VPS13A: variants seen among roughly 807,000 people sequenced by gnomAD.
VPS13A encodes the protein vacuolar protein sorting 13 homolog A.
Under a neutral mutation model 390.9 loss-of-function variants are expected in VPS13A, and 264 were observed. The ratio of observed to expected loss-of-function variants is 0.68; its 90% CI spans 0.61 to 0.75. The LOEUF is 0.75. VPS13A is among the 30% of genes least tolerant of loss of function. VPS13A has a pLI of 0.00. For missense variants in VPS13A, 3,409 were observed against 3,733.9 expected, an observed-to-expected ratio of 0.91 and a Z score of 2.27; for synonymous variants, 1,231 against 1,227.1, an observed-to-expected ratio of 1.00 and a Z score of -0.07.
chr9:77,340,043 T>C (rs952103570), intron 48 of VPS13A, 132 bp downstream of exon 48: 1 of 1,343,716 alleles, frequency 7.4e-7, no homozygotes, highest in Non-Finnish European at 1.0e-6. Flanking sequence ...CCAAAAAGAT[T>C]AGAATTTAAT....
At chr9:77,401,593 T>C (rs1197146428) in intron 68 of VPS13A, among the ~76,000 whole-genome samples, 3 of 152,186 alleles carry the variant, frequency 2.0e-5, no homozygotes, top group African/African-American at 7.2e-5. Context: ...CATTTCCAAA[T>C]TGATTACTGG....
At chr9:77,347,750 T>C (rs894850892) in intron 52 of VPS13A, among the ~76,000 whole-genome samples, 3 of 152,164 alleles carry the variant, frequency 2.0e-5, no homozygotes, top group African/African-American at 7.2e-5. Context: ...TAATCATATC[T>C]CTCTAGTTTA....
chr9:77,237,953 C>A lies in VPS13A; in HGVS notation c.1596-49C>A, dbSNP rs1824249797. 2.8e-6 allele frequency: 4 copies of A among 1,404,246 alleles called. No homozygotes were observed. The South Asian group carries it at 3.7e-5, about 13-fold the overall frequency. The allele number at this position is 1,404,246 out of a possible 1,614,324, so 87.0% of individuals were successfully genotyped here. A position where few individuals can be genotyped will look rare whatever the true frequency, so the allele number is the denominator to read the frequency against. The stretch of plus-strand genomic sequence containing the variant: ...TAAATCATTTTCAATTTTTAAAATC[C>A]TTCACAATTTTACTGATCGCTGACT... On this transcript the variant is annotated intron_variant, in intron 17 of 71. Coordinates refer to ENST00000360280, the MANE Select transcript of VPS13A (RefSeq NM_033305.3).
At chr9:77,339,449 A>G in intron 47 of VPS13A, 67 bp from the exon 48 acceptor site, 1 of 1,434,314 alleles carries the variant, frequency 7.0e-7, no homozygotes. Context: ...ATACATAAAT[A>G]GAATTTTGAG....
chr9:77,297,149 T>G (rs1828048489), intron 33 of VPS13A, among the ~76,000 whole-genome samples: 2 of 152,116 alleles, frequency 1.3e-5, no homozygotes, highest in African/African-American at 4.8e-5. Flanking sequence ...TCTGCTTACT[T>G]TAGGTTCAAT....
At chr9:77,343,129 A>G (rs569445344) in intron 50 of VPS13A, among the ~76,000 whole-genome samples, 3 of 152,274 alleles carry the variant, frequency 2.0e-5, no homozygotes, top group Non-Finnish European at 4.4e-5. Context: ...GGAGCTCTCA[A>G]GGAAGGCCTC....
chr9:77,278,834 A>C (rs532793058), intron 26 of VPS13A, among the ~76,000 whole-genome samples: 1 of 152,212 alleles, frequency 6.6e-6, no homozygotes, highest in Non-Finnish European at 1.5e-5. Flanking sequence ...TTCTTAGTAT[A>C]GCACATTTTG....
intron 13 of VPS13A, among the ~76,000 whole-genome samples, chr9:77,221,992 G>T (rs1168082824): frequency 1.3e-5 from 2 of 151,970 alleles, no homozygotes; most frequent in Non-Finnish European, 2.9e-5. Flanking sequence ...TATTATTTTT[G>T]TATTAATCTT....
At position 77,337,841 on chromosome 9, in the gene VPS13A, C is replaced by G. The variant is rs1830616188; in HGVS notation, c.6378+304C>G. 2.5e-5 allele frequency: 6 copies of G among 239,098 alleles called. No homozygotes were observed. In the South Asian group the frequency reaches 6.1e-4, roughly 24 times the overall value. The allele number at this position is 239,098 out of a possible 1,614,324, so 14.8% of individuals were successfully genotyped here. Reference sequence around the variant, plus strand: ...TCTTTCATACTCTGTGTGGTTTCTTCCTGTTGTTATAGGAATCCATACATC... The same window carrying G: ...TCTTTCATACTCTGTGTGGTTTCTTGCTGTTGTTATAGGAATCCATACATC... On this transcript the variant is annotated intron_variant, in intron 47 of 71. Transcript: ENST00000360280.
At chr9:77,282,426 A>G in intron 29 of VPS13A, 152 bp downstream of exon 29, 1 of 717,564 alleles carries the variant, frequency 1.4e-6, no homozygotes, top group Non-Finnish European at 2.2e-6. Context: ...ATATGCCAGG[A>G]TAATTTTAGA....
At chr9:77,203,609 A>G (rs533221517) in intron 3 of VPS13A, among the ~76,000 whole-genome samples, 3 of 152,298 alleles carry the variant, frequency 2.0e-5, no homozygotes, top group South Asian at 4.1e-4. Context: ...TTTTAAAAAA[A>G]CATTTGTGGT....
chr9:77,305,248 A>T lies in VPS13A; in HGVS notation c.3960+2186A>T, dbSNP rs553138432. Among the ~76,000 whole-genome samples the T allele has an allele frequency of 4.6e-5, 7 of 152,214 alleles. No homozygotes were observed. The South Asian group carries it at 1.2e-3, about 27-fold the overall frequency. ...CCATCACGCCTGGCCGAGATTTCAG[A>T]CTTTTAAGTCAAACGTATATTCAGA... On this transcript the variant is annotated intron_variant, in intron 34 of 71. Coordinates refer to ENST00000360280, the MANE Select transcript of VPS13A (RefSeq NM_033305.3).
chr9:77,316,238 T>C lies in VPS13A; in HGVS notation c.4695T>C (p.Phe1565=). The C allele has an allele frequency of 6.2e-7, 1 of 1,613,290 alleles. No individual in the cohort carries two copies. ...TTATTAAAAATCCTGAAATTGTGTT[T>C]GTAGCTGACATGACAAAAAATGATG... ...NVIIKNPEIV[F]VADMTKNDAP... is the part of the protein sequence containing the mutation. Residue 1565 remains phenylalanine (F), a synonymous_variant, in exon 39 of 72, where the codon TTT becomes TTC. Transcript: ENST00000360280.
chr9:77,420,327 C>G lies in VPS13A; in HGVS notation c.*4321C>G, dbSNP rs1425839244. 6.6e-6 allele frequency: 1 copy of G among 152,158 alleles called. No homozygotes were observed. The highest frequency in any genetic ancestry group is 1.5e-5 in the Non-Finnish European group (1 of 68,022). The allele number at this position is 152,158 out of a possible 1,614,324, so 9.4% of individuals were successfully genotyped here. A position where few individuals can be genotyped will look rare whatever the true frequency, so the allele number is the denominator to read the frequency against. ...CCAGCACATTGAGAAGATGCAGAAT[C>G]CTACTCTATTACAAACCTCACTCAT... On this transcript the variant is annotated 3_prime_UTR_variant, in exon 72 of 72. Coordinates refer to ENST00000360280, the MANE Select transcript of VPS13A (RefSeq NM_033305.3).
At chr9:77,269,815 T>A (rs1007515570) in intron 23 of VPS13A, among the ~76,000 whole-genome samples, 2 of 152,214 alleles carry the variant, frequency 1.3e-5, no homozygotes, top group Admixed American at 1.3e-4. Flanking sequence ...TATTTCACAT[T>A]GTGACTGTAT....
chr9:77,348,451 C>G (rs948864345), intron 52 of VPS13A, among the ~76,000 whole-genome samples: 1 of 152,094 alleles, frequency 6.6e-6, no homozygotes, highest in Non-Finnish European at 1.5e-5. Flanking sequence ...ACAACGCACA[C>G]TGGGGCCTGT....
intron 31 of VPS13A, among the ~76,000 whole-genome samples, chr9:77,289,721 T>G (rs1338138385): frequency 6.6e-6 from 1 of 152,198 alleles, no homozygotes; most frequent in Non-Finnish European, 1.5e-5. Flanking sequence ...CAACTCTTTC[T>G]GTAACTACTT....
intron 26 of VPS13A, among the ~76,000 whole-genome samples, chr9:77,276,433 A>G (rs968344905): frequency 6.6e-6 from 1 of 152,224 alleles, no homozygotes; most frequent in African/African-American, 2.4e-5. Flanking sequence ...ATTATGGAAA[A>G]TCAGATGATA....
At chr9:77,301,828 C>T (rs748947492) in intron 33 of VPS13A, among the ~76,000 whole-genome samples, 2 of 152,062 alleles carry the variant, frequency 1.3e-5, no homozygotes, top group African/African-American at 2.4e-5. Flanking sequence ...ATAAAAATTG[C>T]ATATGGTGCT....
Sources: gnomAD v4.1 joint callset for allele counts (sites outside exome capture counted in the v4.1 genomes callset) on GRCh38, gnomAD v4.1.1 for gene constraint, MANE v1.5 for transcripts, NCBI Gene and HGNC (gene_info 2026-07-23, HGNC 2026-07-21) for gene names.